FBXO9: variants seen among roughly 807,000 people sequenced by gnomAD.
The protein encoded by FBXO9 is F-box only protein 9.
In FBXO9, 43 loss-of-function variants were observed where a neutral mutation model predicts 63.7. The ratio of observed to expected loss-of-function variants is 0.67; its 90% confidence interval spans 0.53 to 0.87. The LOEUF is 0.87. FBXO9 is among the 40% of genes least tolerant of loss of function. The probability of loss-of-function intolerance (pLI) is 0.00; values close to 1 mark genes in which losing one functional copy is unlikely to be tolerated. For missense variants in FBXO9, 442 were observed against 533.2 expected (o/e 0.83, Z 1.68); for synonymous variants, 156 against 171.7 (o/e 0.91, Z 0.72).
chr6:53,075,422 A>G (rs912558823), intron 3 of FBXO9, among the ~76,000 whole-genome samples: 2 of 150,880 alleles, frequency 1.3e-5, no homozygotes, highest in Admixed American at 1.3e-4. Flanking sequence ...TAATCCCAGC[A>G]CTTTGGGAGC....
chr6:53,092,392 A>G, intron 7 of FBXO9, 37 bp from the exon 8 acceptor site: 1 of 1,436,458 alleles, frequency 7.0e-7, no homozygotes, highest in Non-Finnish European at 9.8e-7. Context: ...ATGTATAGGG[A>G]CTTAGTTTTT....
intron 3 of FBXO9, among the ~76,000 whole-genome samples, chr6:53,076,180 A>G (rs1581811874): frequency 6.6e-6 from 1 of 152,344 alleles, no homozygotes; most frequent in South Asian, 2.1e-4. Context: ...AATTTTGACA[A>G]GGTCCAGTTT....
chr6:53,076,515 A>C lies in FBXO9; in HGVS notation c.279A>C (p.Glu93Asp). The C allele has an allele frequency of 6.5e-7, 1 of 1,547,968 alleles. No individual in the cohort carries two copies. The highest frequency in any genetic ancestry group is 8.6e-7 in the Non-Finnish European group (1 of 1,157,906). Residue 93 changes from glutamate (E) to aspartate (D), a missense_variant, in exon 4 of 13, where the codon GAA (glutamate) becomes GAC (aspartate). By Grantham distance (45) the Glu-to-Asp change is conservative. Around this residue, in one of 2 missense-constraint regions of FBXO9, gnomAD observed 180 missense variants for 171.1 expected, o/e 1.05. Coordinates refer to ENST00000323557, the MANE Select transcript of FBXO9 (RefSeq NM_033480.3). ...KARELFLKAV[E>D]EEQNGALYEA... is the part of the protein sequence containing the mutation. ...GAGAACTCTTCCTAAAAGCAGTAGAAGAAGAACAAAATGGAGCTCTCTATG... is the reference window on the plus strand; with the variant it reads ...GAGAACTCTTCCTAAAAGCAGTAGACGAAGAACAAAATGGAGCTCTCTATG...
chr6:53,071,118 A>G lies in FBXO9; in HGVS notation c.65A>G (p.Glu22Gly), dbSNP rs1397280813. 1.9e-6 allele frequency: 3 copies of G among 1,566,940 alleles called. No homozygotes were observed. Among genetic ancestry groups the G allele is most frequent in the South Asian group, 1.2e-5 (1 of 85,138 alleles). The part of the protein sequence containing the change: ...TVRADDDEEN[E>G]SPAETDLQAQ... ...AGAGCAGATGATGATGAAGAAAATG[A>G]AAGTCCTGCTGAAACAGATCTGCAG... The change falls in exon 2 of 13, where the codon GAA becomes GGA. Residue 22 changes from glutamate to glycine, a missense_variant. By Grantham distance (98) the Glu-to-Gly change is moderately conservative (BLOSUM62 -2). Coordinates refer to ENST00000323557, the MANE Select transcript of FBXO9 (RefSeq NM_033480.3).
chr6:53,073,768 A>G, intron 3 of FBXO9, 129 bp downstream of exon 3: 1 of 770,858 alleles, frequency 1.3e-6, no homozygotes, highest in African/African-American at 1.8e-5. Context: ...TAAAATAAAA[A>G]TTTTGACTAG....
intron 7 of FBXO9, chr6:53,091,153 CAGGTT>C (rs766197699): frequency 1.5e-4 from 23 of 152,228 alleles, no homozygotes; most frequent in Non-Finnish European, 2.4e-4. Context: ...TGAACTAGCC[CAGGTT>C]AGAAATGGAG....
chr6:53,068,027 G>A (rs546387537), intron 1 of FBXO9: 2 of 152,152 alleles, frequency 1.3e-5, no homozygotes, highest in East Asian at 1.9e-4. Context: ...TTTATGTTCT[G>A]TAATATAGTG....
intron 5 of FBXO9, among the ~76,000 whole-genome samples, chr6:53,080,753 G>C (rs1289757961): frequency 6.6e-6 from 1 of 152,100 alleles, no homozygotes; most frequent in Non-Finnish European, 1.5e-5. Context: ...AATTCTTTCT[G>C]GATGATAATT....
chr6:53,070,295 C>CA (rs1768867880), intron 1 of FBXO9, among the ~76,000 whole-genome samples: 1 of 151,924 alleles, frequency 6.6e-6, no homozygotes. Context: ...GTGGGGATTA[C>CA]AGGTGTGAGC....
intron 1 of FBXO9, 126 bp from the exon 2 acceptor site, chr6:53,070,931 A>G: frequency 6.8e-7 from 1 of 1,466,626 alleles, no homozygotes; most frequent in Non-Finnish European, 9.1e-7. Context: ...CTTGCTACTC[A>G]AAGTGGGTTC....
chr6:53,093,059 C>A, intron 9 of FBXO9: 1 of 421,100 alleles, frequency 2.4e-6, no homozygotes, highest in Non-Finnish European at 4.2e-6. Context: ...ATTTACTTGC[C>A]TTTTCAAATA....
intron 11 of FBXO9, chr6:53,094,784 C>A: frequency 2.3e-6 from 1 of 440,468 alleles, no homozygotes; most frequent in Non-Finnish European, 4.6e-6. Flanking sequence ...GGAGCCTGGG[C>A]AGCAGCAGCC....
rs58776188 is a variant in FBXO9, at chr6:53,087,341, CAAAAAAA to C, written c.653+4739_653+4745del. 6.9e-3 allele frequency among the ~76,000 whole-genome samples: 336 copies of C among 48,420 alleles called. 2 individuals are homozygous for C. The highest frequency in any genetic ancestry group is 0.012 in the Non-Finnish European group (272 of 23,476). 31.8% of individuals were successfully genotyped at this position (48,420 alleles called of 152,430 possible). On this transcript the variant is annotated intron_variant, in intron 7 of 12. Transcript: ENST00000323557. ...AAGATGACAGAGTAAGATCCTATCT[CAAAAAAA>C]AAAAAAAAAAAAAAAGAGATAAACA...
At position 53,089,951 on chromosome 6, in the gene FBXO9, A is replaced by G. The variant is rs143468393; in HGVS notation, c.654-2478A>G. ...ACACTTCTGTATTTCAACCTAAATA[A>G]CAAATGCCCAAAAGTTATTTGGGAT... On this transcript the variant is annotated intron_variant, in intron 7 of 12. Transcript: ENST00000323557. 3.2e-3 allele frequency among the ~76,000 whole-genome samples: 481 copies of G among 152,336 alleles called. 4 individuals carry two copies. The highest frequency in any genetic ancestry group is 0.011 in the African/African-American group (469 of 41,574).
intron 7 of FBXO9, among the ~76,000 whole-genome samples, chr6:53,083,062 T>C (rs1769365115): frequency 6.6e-6 from 1 of 152,202 alleles, no homozygotes; most frequent in African/African-American, 2.4e-5. Flanking sequence ...ATTCAATAAA[T>C]GGTGCTGAGA....
At position 53,073,475 on chromosome 6, in the gene FBXO9, C is replaced by G; in HGVS notation, c.91-6C>G. The stretch of plus-strand genomic sequence containing the variant: ...GATGAGTCCTAAAATGCTGTTCTCC[C>G]CATAGGCACAACTCCAGATGTTCCG... On this transcript the variant is annotated splice_polypyrimidine_tract_variant and splice_region_variant and intron_variant, in intron 2 of 12. Coordinates refer to ENST00000323557, the MANE Select transcript of FBXO9 (RefSeq NM_033480.3). 6.2e-7 allele frequency: 1 copy of G among 1,612,988 alleles called. No homozygotes were observed. The highest frequency in any genetic ancestry group is 8.5e-7 in the Non-Finnish European group (1 of 1,179,394).
At chr6:53,067,996 T>G (rs1365528813) in intron 1 of FBXO9, 2 of 152,146 alleles carry the variant, frequency 1.3e-5, no homozygotes, top group African/African-American at 4.8e-5. Flanking sequence ...TTGCCAGAGA[T>G]AAGATAGGAG....
At chr6:53,077,173 C>T (rs532230478) in intron 4 of FBXO9, among the ~76,000 whole-genome samples, 15 of 151,808 alleles carry the variant, frequency 9.9e-5, no homozygotes, top group African/African-American at 3.4e-4. Context: ...TACATATTAC[C>T]AACAGAAATA....
At chr6:53,069,371 TGG>T (rs1467378450) in intron 1 of FBXO9, among the ~76,000 whole-genome samples, 1 of 152,244 alleles carries the variant, frequency 6.6e-6, no homozygotes, top group Non-Finnish European at 1.5e-5. Context: ...TTTTCTGTTT[TGG>T]GACTTGTAGA....
Sources: allele counts gnomAD v4.1 joint callset (sites outside exome capture counted in the v4.1 genomes callset), GRCh38; gene constraint gnomAD v4.1.1; regional missense constraint gnomAD v4.1.1; transcripts MANE v1.5; gene names NCBI Gene and HGNC (gene_info 2026-07-23, HGNC 2026-07-21).